Variants in NAALADL2 observed in about 807,000 individuals in gnomAD.
NAALADL2 encodes the protein inactive N-acetylated-alpha-linked acidic dipeptidase-like protein 2.
NAALADL2 carries 76 observed loss-of-function variants against 87.2 expected under a neutral mutation model. The ratio of observed to expected loss-of-function variants is 0.87; its 90% CI spans 0.72 to 1.05. The LOEUF is 1.05. NAALADL2 is among the 50% of genes least tolerant of loss of function. The probability of loss-of-function intolerance (pLI) is 0.00; values close to 1 mark genes in which losing one functional copy is unlikely to be tolerated. For synonymous variants in NAALADL2, 354 were observed against 331.0 expected (o/e 1.07, Z -0.75); for missense variants, 1,089 against 945.8 (o/e 1.15, Z -1.99).
rs555136144 is a variant in NAALADL2 at position 175,625,524 on chromosome 3, G to A, written c.1801-1767G>A. Among the ~76,000 whole-genome samples, 32 of 152,074 alleles carry A rather than the reference G, an allele frequency of 2.1e-4. No individual in the cohort carries two copies. In the East Asian group the frequency reaches 5.4e-3, roughly 26 times the overall value. ...GATGATATCATTTAAACTGTGCGTA[G>A]TGTTTTTGCTGCATGTTGAGAGTAG... On this transcript the variant is annotated intron_variant, in intron 10 of 13. Coordinates refer to ENST00000454872, the MANE Select transcript of NAALADL2 (RefSeq NM_207015.3).
rs199901092 is a variant in NAALADL2 at position 175,281,120 on chromosome 3, AT to A, written c.939+24591del. 5.3e-3 allele frequency among the ~76,000 whole-genome samples: 767 copies of A among 145,400 alleles called. 3 individuals carry two copies. Among genetic ancestry groups the A allele is most frequent in the East Asian group, 0.016 (83 of 5,050 alleles). On this transcript the variant is annotated intron_variant, in intron 4 of 13. Transcript: ENST00000454872. ...CTAAAATAATTAAAACTTAAAAAAAATATATATATATATAAATGGATTGGTA... is the reference window on the plus strand; with the variant it reads ...CTAAAATAATTAAAACTTAAAAAAAAATATATATATATAAATGGATTGGTA...
intron 1 of NAALADL2, among the ~76,000 whole-genome samples, chr3:174,932,482 T>A (rs1452501502): frequency 1.3e-5 from 2 of 152,172 alleles, no homozygotes; most frequent in Non-Finnish European, 2.9e-5. Flanking sequence ...AAAGATATGT[T>A]CACAGGTGAA....
At chr3:174,450,869 C>CAAAAAAAAAAAAAA (rs761513802) in intron 1 of NAALADL2, among the ~76,000 whole-genome samples, 58 of 74,784 alleles carry the variant, frequency 7.8e-4, no homozygotes, top group Non-Finnish European at 1.2e-3. Context: ...GACTCTGTCT[C>CAAAAAAAAAAAAAA]AAAAAAAAAA....
At chr3:175,715,970 G>A (rs1476069893) in intron 11 of NAALADL2, among the ~76,000 whole-genome samples, 1 of 151,446 alleles carries the variant, frequency 6.6e-6, no homozygotes, top group Non-Finnish European at 1.5e-5. Flanking sequence ...CATTCATTCA[G>A]TAACTGTTTA....
chr3:175,236,487 G>T (rs1246538350), intron 3 of NAALADL2, among the ~76,000 whole-genome samples: 2 of 149,602 alleles, frequency 1.3e-5, no homozygotes, highest in African/African-American at 4.9e-5. Flanking sequence ...AGGGGAGGTT[G>T]CAGTCAGCCA....
At chr3:174,832,004 T>G (rs994023967) in intron 3 of NAALADL2, among the ~76,000 whole-genome samples, 1 of 152,092 alleles carries the variant, frequency 6.6e-6, no homozygotes, top group African/African-American at 2.4e-5. Context: ...TCTCTTTTTT[T>G]CTTTATTTGT....
intron 10 of NAALADL2, among the ~76,000 whole-genome samples, chr3:175,598,502 T>C (rs953636214): frequency 6.6e-6 from 1 of 152,072 alleles, no homozygotes; most frequent in Non-Finnish European, 1.5e-5. Context: ...TTTCCCCTTG[T>C]TTCATATAAT....
intron 9 of NAALADL2, among the ~76,000 whole-genome samples, chr3:175,481,047 G>A (rs976155224): frequency 2.0e-5 from 3 of 151,716 alleles, no homozygotes; most frequent in African/African-American, 7.3e-5. Flanking sequence ...GTTACCTAAA[G>A]GGAAATGCGA....
At chr3:174,912,305 T>A (rs537254971) in intron 1 of NAALADL2, among the ~76,000 whole-genome samples, 4 of 151,620 alleles carry the variant, frequency 2.6e-5, no homozygotes, top group South Asian at 2.1e-4. Flanking sequence ...ATCCATGTTT[T>A]AAATTTTTTT....
At chr3:175,736,133 T>C (rs1412716984) in intron 11 of NAALADL2, among the ~76,000 whole-genome samples, 1 of 152,146 alleles carries the variant, frequency 6.6e-6, no homozygotes, top group Non-Finnish European at 1.5e-5. Flanking sequence ...TCCTTTGAGA[T>C]GTGTATGAAT....
intron 3 of NAALADL2, among the ~76,000 whole-genome samples, chr3:175,236,301 C>T (rs1206045772): frequency 1.3e-5 from 2 of 151,962 alleles, no homozygotes; most frequent in African/African-American, 4.8e-5. Context: ...AATCCCAGCA[C>T]ATTGGAGGCC....
At chr3:175,205,912 TGCAACAATG>T (rs1740762967) in intron 2 of NAALADL2, among the ~76,000 whole-genome samples, 1 of 151,644 alleles carries the variant, frequency 6.6e-6, no homozygotes, top group African/African-American at 2.4e-5. Flanking sequence ...ACCTTACCCC[TGCAACAATG>T]GCCATAATAA....
chr3:175,792,121 A>G (rs1456060746), intron 13 of NAALADL2, among the ~76,000 whole-genome samples: 1 of 152,224 alleles, frequency 6.6e-6, no homozygotes, highest in African/African-American at 2.4e-5. Flanking sequence ...ACAAATTAAA[A>G]CCACAACATT....
intron 2 of NAALADL2, among the ~76,000 whole-genome samples, chr3:174,656,224 A>G (rs572851294): frequency 1.2e-4 from 18 of 152,346 alleles, no homozygotes; most frequent in African/African-American, 2.4e-5. Context: ...ACCCTGAAGT[A>G]GGTGAAGCTC....
At chr3:175,698,609 A>T (rs113011739) in intron 11 of NAALADL2, among the ~76,000 whole-genome samples, 1 of 150,292 alleles carries the variant, frequency 6.7e-6, no homozygotes, top group Non-Finnish European at 1.5e-5. Context: ...TAAAGAGTTC[A>T]ATACAGCCCA....
At chr3:175,487,653 G>T in intron 9 of NAALADL2, 1 of 387,038 alleles carries the variant, frequency 2.6e-6, no homozygotes, top group Non-Finnish European at 5.1e-6. Context: ...GCCCCTTTCT[G>T]GAGTCCAATC....
At chr3:175,153,683 G>T (rs899310094) in intron 2 of NAALADL2, among the ~76,000 whole-genome samples, 1 of 152,136 alleles carries the variant, frequency 6.6e-6, no homozygotes, top group African/African-American at 2.4e-5. Context: ...ATGTGATATC[G>T]AAAAAGTAAA....
intron 2 of NAALADL2, among the ~76,000 whole-genome samples, chr3:174,705,199 C>G (rs1024300599): frequency 4.6e-5 from 7 of 152,082 alleles, no homozygotes; most frequent in African/African-American, 9.7e-5. Flanking sequence ...CTTAGACATG[C>G]CAGTTAACCT....
chr3:175,191,294 A>T (rs1195284288), intron 2 of NAALADL2, among the ~76,000 whole-genome samples: 1 of 152,250 alleles, frequency 6.6e-6, no homozygotes, highest in African/African-American at 2.4e-5. Flanking sequence ...ATTCAGGCAC[A>T]TTCAAATAGT....
Sources: allele counts gnomAD v4.1 joint callset (sites outside exome capture counted in the v4.1 genomes callset), GRCh38; gene constraint gnomAD v4.1.1; transcripts MANE v1.5; gene names NCBI Gene and HGNC (gene_info 2026-07-23, HGNC 2026-07-21).